The following ZFYVE26 variants were observed in gnomAD, a reference collection of about 807,000 sequenced individuals.
ZFYVE26 encodes zinc finger FYVE domain-containing protein 26.
ZFYVE26 carries 181 observed loss-of-function variants against 276.5 expected under a neutral mutation model. The observed-to-expected ratio is 0.65, with a 90% confidence interval of 0.58 to 0.74. ZFYVE26 has a LOEUF of 0.74. Ranked by LOEUF, ZFYVE26 falls within the 30% of genes least tolerant of loss-of-function variation. ZFYVE26 has a pLI of 0.00. For missense variants in ZFYVE26, 2,821 were observed against 3,097.9 expected (o/e 0.91, Z 2.12); for synonymous variants, 1,129 against 1,203.1 (o/e 0.94, Z 1.27).
At chr14:67,808,399 A>G (rs1406086709) in intron 4 of ZFYVE26, among the ~76,000 whole-genome samples, 2 of 152,160 alleles carry the variant, frequency 1.3e-5, no homozygotes, top group African/African-American at 4.8e-5. Context: ...TCCTACTACA[A>G]AAACCTTCTC....
At chr14:67,729,938 A>G in intron 13 of ZFYVE26, 1 of 405,116 alleles carries the variant, frequency 2.5e-6, no homozygotes, top group Middle Eastern at 4.5e-4. Context: ...TCCATGACAG[A>G]ATCCAGCCCT....
At position 67,806,688 on chromosome 14, in the gene ZFYVE26, C is replaced by G. The variant is rs747603744; in HGVS notation, c.887-13G>C. The G allele has an allele frequency of 6.2e-7, 1 of 1,611,550 alleles. No individual in the cohort carries two copies. The highest frequency in any genetic ancestry group is 1.7e-5 in the Admixed American group (1 of 59,652). On this transcript the variant is annotated splice_polypyrimidine_tract_variant and intron_variant, in intron 5 of 41. Coordinates refer to ENST00000347230, the MANE Select transcript of ZFYVE26 (RefSeq NM_015346.4). ...TGATCCGGTGAGACTGAACATCAAA[C>G]AAGACGGTTATCAGGAAACCAAGAA...
At chr14:67,729,358 C>A (rs1355914469) in exon 14 of ZFYVE26, 1 of 1,597,954 alleles carries the variant, frequency 6.3e-7, no homozygotes, top group East Asian at 2.2e-5. Flanking sequence ...GGGCCTGGAG[C>A]CCCTGAGTGG....
intron 14 of ZFYVE26, 127 bp downstream of exon 14, chr14:67,793,481 T>G: frequency 1.8e-6 from 2 of 1,083,658 alleles, no homozygotes; most frequent in East Asian, 2.6e-5. Context: ...GGAAACCCCC[T>G]CTTGCTTCTG....
chr14:67,784,944 T>C (rs2039609180), intron 19 of ZFYVE26, 115 bp downstream of exon 19: 2 of 1,076,686 alleles, frequency 1.9e-6, no homozygotes, highest in Non-Finnish European at 2.9e-6. Context: ...CTTATAAATC[T>C]AGTGTTCTTG....
At chr14:67,770,958 TC>T (rs991234682) in intron 28 of ZFYVE26, among the ~76,000 whole-genome samples, 7 of 10,426 alleles carry the variant, frequency 6.7e-4, no homozygotes, top group African/African-American at 8.5e-4. Flanking sequence ...TTTCCTAATA[TC>T]TTTTTTTTTT....
chr14:67,813,793 G>A (rs2040346671), intron 3 of ZFYVE26, among the ~76,000 whole-genome samples, 193 bp downstream of exon 3: 1 of 152,160 alleles, frequency 6.6e-6, no homozygotes, highest in South Asian at 2.1e-4. Context: ...AGTAATATAT[G>A]CCAATGTATA....
chr14:67,800,674 G>A (rs1290811773), intron 10 of ZFYVE26, among the ~76,000 whole-genome samples: 1 of 152,090 alleles, frequency 6.6e-6, no homozygotes, highest in African/African-American at 2.4e-5. Context: ...ATGTAGATGA[G>A]TTGGTATGAG....
Position 67,783,024 on chromosome 14 carries a change from G to A in ZFYVE26, c.4128C>T (p.Pro1376=). 1.2e-6 allele frequency: 2 copies of A among 1,614,178 alleles called. No homozygotes were observed. Among genetic ancestry groups the A allele is most frequent in the Non-Finnish European group, 1.7e-6 (2 of 1,180,028 alleles). The part of the protein sequence containing the change: ...FEAFLLAAWE[P]LRGSLQQGQS... Reference sequence around the variant, plus strand: ...GCCCCTGCTGCAAAGACCCTCGCAGGGGCTCCCAGGCAGCCAGGAGGAAGG... The same window carrying A: ...GCCCCTGCTGCAAAGACCCTCGCAGAGGCTCCCAGGCAGCCAGGAGGAAGG... The change falls in exon 21 of 42, where the codon CCC becomes CCT. Residue 1376 remains proline (P), a synonymous_variant. Coordinates refer to ENST00000347230, the MANE Select transcript of ZFYVE26 (RefSeq NM_015346.4).
chr14:67,752,329 C>G lies in ZFYVE26; in HGVS notation c.7371+15G>C, dbSNP rs765474728. Reference sequence around the variant, plus strand: ...AAATTGATGGAGGAGCCAAGAGGTACGGGAGGGAGTGTACCTGGGGCGGAA... The same window carrying G: ...AAATTGATGGAGGAGCCAAGAGGTAGGGGAGGGAGTGTACCTGGGGCGGAA... On this transcript the variant is annotated intron_variant, in intron 40 of 41. Transcript: ENST00000347230. The G allele has an allele frequency of 1.2e-6, 2 of 1,604,182 alleles. No homozygotes were observed. Among genetic ancestry groups the G allele is most frequent in the Admixed American group, 3.4e-5 (2 of 58,812 alleles).
chr14:67,806,808 T>G, intron 5 of ZFYVE26, 133 bp from the exon 6 acceptor site: 1 of 1,033,644 alleles, frequency 9.7e-7, no homozygotes. Context: ...TACTTTATCT[T>G]AGGGTATCTT....
chr14:67,778,021 G>A (rs1234079218), intron 24 of ZFYVE26, 105 bp downstream of exon 24: 2 of 1,509,534 alleles, frequency 1.3e-6, no homozygotes, highest in Non-Finnish European at 1.8e-6. Flanking sequence ...ATCAGAAGAG[G>A]CATAGCTGAG....
At chr14:67,775,243 GA>G in intron 26 of ZFYVE26, 129 bp from the exon 27 acceptor site, 1 of 627,014 alleles carries the variant, frequency 1.6e-6, no homozygotes, top group South Asian at 2.3e-5. Context: ...TAGGTATTAA[GA>G]GAATGGAGGA....
At chr14:67,751,741 T>C (rs868501387) in intron 40 of ZFYVE26, among the ~76,000 whole-genome samples, 3 of 151,702 alleles carry the variant, frequency 2.0e-5, no homozygotes, top group Admixed American at 6.6e-5. Context: ...GGCGTGGTGG[T>C]GGGCGCCTGT....
intron 2 of ZFYVE26, chr14:67,815,463 G>T: frequency 5.0e-6 from 2 of 396,620 alleles, no homozygotes; most frequent in Non-Finnish European, 4.7e-6. Flanking sequence ...TTGCTTTTTT[G>T]GAGGCAAAGA....
chr14:67,793,757 CCT>C lies in ZFYVE26; in HGVS notation c.2402_2403del (p.Glu801GlyfsTer11). The C allele has an allele frequency of 6.2e-7, 1 of 1,613,818 alleles. No homozygotes were observed. The highest frequency in any genetic ancestry group is 8.5e-7 in the Non-Finnish European group (1 of 1,179,958). ...TSSELSTSTS[E>X]GSLSAMSGRN... ...CGGCCAGACATGGCACTCAGACTTC[CCT>C]CTGTTGGGACACAAGAATGTGTGGG... On this transcript the variant is annotated frameshift_variant and splice_region_variant, in exon 14 of 42. Transcript: ENST00000347230. LOFTEE classifies it high-confidence loss of function.
chr14:67,742,899 G>A (rs2140171136), downstream of ZFYVE26, among the ~76,000 whole-genome samples: 1 of 137,778 alleles, frequency 7.3e-6, no homozygotes, highest in South Asian at 2.2e-4. Flanking sequence ...GAATGCAGTG[G>A]CACAACCTTG....
chr14:67,759,244 GAAAAAAAAAAAAA>G (rs1171265652), intron 35 of ZFYVE26, among the ~76,000 whole-genome samples: 1 of 81,644 alleles, frequency 1.2e-5, no homozygotes, highest in African/African-American at 5.0e-5. Flanking sequence ...GACTCTGTCT[GAAAAAAAAAAAAA>G]AAAAAAAAAG....
intron 41 of ZFYVE26, among the ~76,000 whole-genome samples, chr14:67,750,182 T>C (rs768070010): frequency 3.3e-5 from 5 of 152,188 alleles, no homozygotes; most frequent in Admixed American, 1.3e-4. Flanking sequence ...TTTCAGGATG[T>C]CAGAATTTCA....
Sources: gnomAD v4.1 joint callset for allele counts (sites outside exome capture counted in the v4.1 genomes callset) on GRCh38, gnomAD v4.1.1 for gene constraint, MANE v1.5 for transcripts, NCBI Gene and HGNC (gene_info 2026-07-23, HGNC 2026-07-21) for gene names.